Variants in TENM1 observed in about 807,000 individuals in gnomAD.
The protein encoded by TENM1 is teneurin-1.
TENM1 carries 35 observed loss-of-function variants against 174.8 expected under a neutral mutation model. That is an observed-to-expected ratio of 0.20 (90% CI 0.15 to 0.27). The LOEUF (loss-of-function observed/expected upper bound fraction) is 0.27. Among genes scored for constraint, TENM1 ranks in the 10% least tolerant of loss-of-function variants. TENM1 has a pLI of 1.00. For synonymous variants in TENM1, 781 were observed against 798.7 expected, an observed-to-expected ratio of 0.98 and a Z score of 0.37; for missense variants, 1,633 against 2,130.1, an observed-to-expected ratio of 0.77 and a Z score of 4.59.
intron 11 of TENM1, among the ~76,000 whole-genome samples, chrX:124,581,863 T>C (rs891889525): frequency 1.8e-5 from 2 of 112,020 alleles, no homozygotes; most frequent in African/African-American, 3.2e-5. Flanking sequence ...TCTATTCATA[T>C]CTTTTGCCCT....
intron 27 of TENM1, among the ~76,000 whole-genome samples, chrX:124,393,591 T>C (rs149018918): frequency 8.9e-6 from 1 of 112,096 alleles, no homozygotes; most frequent in Non-Finnish European, 1.9e-5. Flanking sequence ...TAGCTCAGTT[T>C]AGTTAAGTTT....
chrX:125,143,145 T>C, the TENM1 span, among the ~76,000 whole-genome samples: 2 of 111,691 alleles, frequency 1.8e-5, no homozygotes, highest in Non-Finnish European at 3.8e-5. Flanking sequence ...AACAAACTGA[T>C]TGTTTTTCAA....
rs147182988 is a variant in TENM1, at chrX:124,445,534, G to A, written c.4104+7803C>T. Among the ~76,000 whole-genome samples, 92 of 112,103 alleles carry A rather than the reference G, an allele frequency of 8.2e-4. 1 individual carries two copies. Among genetic ancestry groups the A allele is most frequent in the Middle Eastern group, 4.6e-3 (1 of 216 alleles). ...ACTATGGATGATGCTTCCCCTACCC[G>A]TGTTAGACCCATCTGACAAATGGGT... On this transcript the variant is annotated intron_variant, in intron 23 of 31. Transcript: ENST00000422452.
At chrX:124,755,351 C>T (rs990892793) in intron 3 of TENM1, among the ~76,000 whole-genome samples, 3 of 111,216 alleles carry the variant, frequency 2.7e-5, no homozygotes, top group Non-Finnish European at 5.6e-5. Flanking sequence ...GTAGATCTTC[C>T]TCCATCCTTT....
chrX:124,732,256 C>T (rs7877260), intron 4 of TENM1, among the ~76,000 whole-genome samples: 1,253 of 112,001 alleles, frequency 0.011, 18 homozygotes, highest in African/African-American at 0.039. Context: ...TTCCGGTGTT[C>T]TCAATGTGTA....
chrX:124,772,143 T>C (rs893447298), intron 3 of TENM1, among the ~76,000 whole-genome samples: 3 of 111,217 alleles, frequency 2.7e-5, no homozygotes, highest in Non-Finnish European at 5.7e-5. Context: ...TTCTTTCTTT[T>C]TTTTTTTCTT....
In TENM1 at chrX:124,703,116, T is replaced by A. The variant is rs746423644; in HGVS notation, c.1015+1897A>T. Among the ~76,000 whole-genome samples, 3 of 111,930 alleles carry A rather than the reference T, an allele frequency of 2.7e-5. 1 individual carries two copies. The South Asian group carries it at 1.1e-3, about 42-fold the overall frequency. On this transcript the variant is annotated intron_variant, in intron 5 of 31. Coordinates refer to ENST00000422452, the Ensembl canonical transcript of TENM1. ...GCTTTACTTATATTAACTCATTTAA[T>A]TCTTCTAACAATCCTATGCTATAGG... is the stretch of plus-strand genomic sequence containing the variant.
chrX:124,847,403 A>G (rs1039390904), intron 3 of TENM1, among the ~76,000 whole-genome samples: 1 of 111,946 alleles, frequency 8.9e-6, no homozygotes, highest in African/African-American at 3.2e-5. Flanking sequence ...AACACTACTG[A>G]TGTTCTATAA....
At chrX:125,005,718 C>T in the TENM1 span, among the ~76,000 whole-genome samples, 31 of 110,124 alleles carry the variant, frequency 2.8e-4, no homozygotes, top group South Asian at 1.2e-3. Context: ...ACAGTGGGTG[C>T]GACCCATGGA....
chrX:125,016,170 T>C, the TENM1 span, among the ~76,000 whole-genome samples: 4 of 111,555 alleles, frequency 3.6e-5, no homozygotes, highest in African/African-American at 9.8e-5. Context: ...AACATCACCA[T>C]GGTTTTAAAG....
the TENM1 span, among the ~76,000 whole-genome samples, chrX:125,092,782 G>T: frequency 1.8e-5 from 2 of 112,249 alleles, no homozygotes; most frequent in Admixed American, 9.4e-5. Context: ...CATTCTTTAT[G>T]ATTCAGTGTT....
At chrX:124,850,034 C>T (rs1222315091) in intron 3 of TENM1, among the ~76,000 whole-genome samples, 1 of 111,778 alleles carries the variant, frequency 8.9e-6, no homozygotes, top group Non-Finnish European at 1.9e-5. Context: ...GATATTGTGG[C>T]TTTAAGAGGG....
chrX:124,474,111 A>G (rs915867219), intron 22 of TENM1, among the ~76,000 whole-genome samples: 2 of 111,592 alleles, frequency 1.8e-5, no homozygotes, highest in Non-Finnish European at 3.8e-5. Context: ...CCTTCCTTCC[A>G]AAGTAACTTA....
At chrX:125,093,700 TC>T in the TENM1 span, among the ~76,000 whole-genome samples, 1 of 111,987 alleles carries the variant, frequency 8.9e-6, no homozygotes, top group Admixed American at 9.5e-5. Context: ...AGAAAGAAAA[TC>T]CAGGGCTTTA....
chrX:124,692,912 G>A (rs1476923233), intron 5 of TENM1, among the ~76,000 whole-genome samples: 1 of 104,552 alleles, frequency 9.6e-6, no homozygotes, highest in Non-Finnish European at 1.9e-5. Flanking sequence ...GGAGGCTGAG[G>A]CAGGAGAATC....
intron 11 of TENM1, among the ~76,000 whole-genome samples, chrX:124,579,791 T>C (rs899087269): frequency 3.6e-5 from 4 of 112,021 alleles, no homozygotes; most frequent in Admixed American, 2.9e-4. Context: ...GTACTCTGCA[T>C]AGCTCAGGGC....
chrX:124,854,094 A>T (rs1376370476), intron 3 of TENM1, among the ~76,000 whole-genome samples: 1 of 110,895 alleles, frequency 9.0e-6, no homozygotes, highest in African/African-American at 3.3e-5. Context: ...GAGTGAAGGC[A>T]ATGATTATTG....
intron 3 of TENM1, among the ~76,000 whole-genome samples, chrX:124,873,974 C>T (rs1301676788): frequency 9.0e-6 from 1 of 111,317 alleles, no homozygotes; most frequent in Admixed American, 9.6e-5. Context: ...CAGAGTATTC[C>T]ACTGCATAAA....
the TENM1 span, among the ~76,000 whole-genome samples, chrX:125,169,804 C>G: frequency 9.2e-6 from 1 of 108,650 alleles, no homozygotes; most frequent in African/African-American, 3.3e-5. Context: ...TCTTTTTATG[C>G]CTGGCTTGGT....
Sources: gnomAD v4.1 joint callset for allele counts (sites outside exome capture counted in the v4.1 genomes callset) on GRCh38, gnomAD v4.1.1 for gene constraint, MANE v1.5 for transcripts, NCBI Gene and HGNC (gene_info 2026-07-23, HGNC 2026-07-21) for gene names.